The following UBE2G1 variants were observed in gnomAD, a reference collection of about 807,000 sequenced individuals.
UBE2G1 encodes the protein ubiquitin conjugating enzyme E2 G1, also known as ubiquitin-conjugating enzyme E2 G1.
In UBE2G1, 5 loss-of-function variants were observed where a neutral mutation model predicts 22.7. The ratio of observed to expected loss-of-function variants is 0.22; its 90% CI spans 0.12 to 0.46. The LOEUF is 0.46. Ranked by LOEUF, UBE2G1 falls within the 20% of genes least tolerant of loss-of-function variation. UBE2G1 has a pLI of 0.99. For synonymous variants in UBE2G1, 74 were observed against 67.5 expected (o/e 1.10, Z -0.47); for missense variants, 88 against 203.9 (o/e 0.43, Z 3.46).
intron 1 of UBE2G1, among the ~76,000 whole-genome samples, chr17:4,336,748 C>T (rs1055098941): frequency 3.9e-5 from 6 of 152,008 alleles, no homozygotes; most frequent in African/African-American, 1.5e-4. Context: ...GCTGGGATTA[C>T]ATGTGAGCCA....
At chr17:4,336,423 T>C (rs1268371980) in intron 1 of UBE2G1, among the ~76,000 whole-genome samples, 2 of 152,072 alleles carry the variant, frequency 1.3e-5, no homozygotes, top group African/African-American at 4.8e-5. Context: ...ACTGAAAGAA[T>C]ATTAAAGGAG....
At chr17:4,360,065 T>C (rs1036052033) in intron 1 of UBE2G1, among the ~76,000 whole-genome samples, 5 of 152,306 alleles carry the variant, frequency 3.3e-5, no homozygotes, top group Non-Finnish European at 7.4e-5. Context: ...TTTTTCTGAT[T>C]TGTACTTTTC....
chr17:4,346,919 A>T (rs1969783969), intron 1 of UBE2G1, among the ~76,000 whole-genome samples: 2 of 151,740 alleles, frequency 1.3e-5, no homozygotes, highest in Admixed American at 1.3e-4. Context: ...TTGGGAGACC[A>T]AGGCGGGCGG....
chr17:4,307,261 A>C (rs939755475), intron 1 of UBE2G1, 138 bp from the exon 2 acceptor site: 77 of 686,802 alleles, frequency 1.1e-4, no homozygotes, highest in Non-Finnish European at 1.4e-4. Flanking sequence ...GCAAAATGCT[A>C]CTTGATGGCC....
At chr17:4,325,946 C>T (rs568827883) in intron 1 of UBE2G1, among the ~76,000 whole-genome samples, 2 of 152,120 alleles carry the variant, frequency 1.3e-5, no homozygotes, top group Non-Finnish European at 2.9e-5. Flanking sequence ...TCTTTCCTTA[C>T]ATGATATGCA....
chr17:4,314,026 A>C (rs1969340544), intron 1 of UBE2G1, among the ~76,000 whole-genome samples: 1 of 152,232 alleles, frequency 6.6e-6, no homozygotes, highest in Admixed American at 6.5e-5. Context: ...GCATATGAAA[A>C]GTAAAAACGC....
At chr17:4,312,340 A>G (rs1969319494) in intron 1 of UBE2G1, among the ~76,000 whole-genome samples, 1 of 152,204 alleles carries the variant, frequency 6.6e-6, no homozygotes, top group Non-Finnish European at 1.5e-5. Flanking sequence ...AAGGATAAGC[A>G]TTAATATAAA....
At chr17:4,289,556 A>C (rs1197842903) in intron 3 of UBE2G1, 148 bp from the exon 4 acceptor site, 2 of 858,524 alleles carry the variant, frequency 2.3e-6, no homozygotes, top group Non-Finnish European at 3.4e-6. Context: ...CAATGTGTTG[A>C]CTTTTTAAGA....
chr17:4,318,801 T>C (rs1461800890), intron 1 of UBE2G1, among the ~76,000 whole-genome samples: 1 of 152,222 alleles, frequency 6.6e-6, no homozygotes, highest in East Asian at 1.9e-4. Flanking sequence ...GTAAGCATGC[T>C]GCTGCTGAAG....
chr17:4,344,631 G>A (rs537471373), intron 1 of UBE2G1, among the ~76,000 whole-genome samples: 14 of 151,744 alleles, frequency 9.2e-5, no homozygotes, highest in African/African-American at 3.4e-4. Context: ...TTGGGAGGCT[G>A]AGGCCAGAGG....
At chr17:4,335,206 T>G (rs528896191) in intron 1 of UBE2G1, 1 of 152,328 alleles carries the variant, frequency 6.6e-6, no homozygotes, top group African/African-American at 2.4e-5. Context: ...TTGAATGGCT[T>G]ACCATTTAAC....
At chr17:4,354,897 C>A (rs941852850) in intron 1 of UBE2G1, among the ~76,000 whole-genome samples, 1 of 151,466 alleles carries the variant, frequency 6.6e-6, no homozygotes, top group South Asian at 2.1e-4. Flanking sequence ...TCATCACATC[C>A]CTGCACTCCA....
chr17:4,286,404 CAAAAA>C (rs11312770), intron 4 of UBE2G1, among the ~76,000 whole-genome samples: 2 of 117,426 alleles, frequency 1.7e-5, no homozygotes, highest in Non-Finnish European at 3.6e-5. Context: ...GACTCTGTCT[CAAAAA>C]AAAAAAAAAA....
At chr17:4,361,663 G>C (rs997262783) in intron 1 of UBE2G1, among the ~76,000 whole-genome samples, 7 of 152,228 alleles carry the variant, frequency 4.6e-5, no homozygotes, top group African/African-American at 1.7e-4. Context: ...TGTCAGCCAG[G>C]CATGATGGCT....
At position 4,347,028 on chromosome 17, in the gene UBE2G1, T is replaced by C. The variant is rs532863012; in HGVS notation, c.46+19243A>G. ...ATTAGCCGGGCATGGTGGTGTATGC[T>C]TGTAATCTCAGCCACTCAGGAGGCG... On this transcript the variant is annotated intron_variant, in intron 1 of 5. Coordinates refer to ENST00000396981, the MANE Select transcript of UBE2G1 (RefSeq NM_003342.5). Among the ~76,000 whole-genome samples, 16 of 151,900 alleles carry C rather than the reference T, an allele frequency of 1.1e-4. No homozygotes were observed. The East Asian group carries it at 3.1e-3, about 30-fold the overall frequency.
At chr17:4,314,167 T>C (rs879578285) in intron 1 of UBE2G1, among the ~76,000 whole-genome samples, 2 of 152,194 alleles carry the variant, frequency 1.3e-5, no homozygotes, top group South Asian at 4.1e-4. Context: ...GGTTTCTAAA[T>C]ATGAATTTAT....
chr17:4,353,206 A>C (rs1969865514), intron 1 of UBE2G1, among the ~76,000 whole-genome samples: 1 of 152,030 alleles, frequency 6.6e-6, no homozygotes. Context: ...CGACAGAGTG[A>C]GACTCCATCT....
intron 4 of UBE2G1, among the ~76,000 whole-genome samples, chr17:4,285,167 T>C (rs1175903213): frequency 6.6e-6 from 1 of 152,100 alleles, no homozygotes; most frequent in Non-Finnish European, 1.5e-5. Flanking sequence ...AAACGAAAAT[T>C]TCCCAGGGCT....
At chr17:4,281,183 A>G (rs1968885404) in intron 5 of UBE2G1, among the ~76,000 whole-genome samples, 1 of 152,238 alleles carries the variant, frequency 6.6e-6, no homozygotes, top group Non-Finnish European at 1.5e-5. Flanking sequence ...AATAAGGAGT[A>G]GAGCGGTAAT....
Sources: allele counts gnomAD v4.1 joint callset (sites outside exome capture counted in the v4.1 genomes callset), GRCh38; gene constraint gnomAD v4.1.1; transcripts MANE v1.5; gene names NCBI Gene and HGNC (gene_info 2026-07-23, HGNC 2026-07-21).